ZNF444: variants seen among roughly 807,000 people sequenced by gnomAD.
ZNF444 encodes the protein endothelial zinc finger protein 2.
A neutral mutation model predicts 14.4 loss-of-function variants in ZNF444; 8 were observed. That is an observed-to-expected ratio of 0.56 (90% CI 0.33 to 1.00). ZNF444 has a LOEUF of 1.00. ZNF444 is among the 50% of genes least tolerant of loss of function. The pLI, the probability that ZNF444 is intolerant of heterozygous loss-of-function variation, is 0.03. For missense variants in ZNF444, 510 were observed against 504.8 expected (o/e 1.01, Z -0.10); for synonymous variants, 258 against 235.9 (o/e 1.09, Z -0.86).
intron 3 of ZNF444, chr19:56,149,732 G>T (rs2123502100): frequency 6.6e-6 from 1 of 152,300 alleles, no homozygotes; most frequent in South Asian, 2.1e-4. Flanking sequence ...GAGAACACAT[G>T]GTGTTTGGTT....
intron 1 of ZNF444, chr19:56,146,007 G>A (rs1292042690): frequency 2.0e-5 from 3 of 152,272 alleles, no homozygotes; most frequent in Non-Finnish European, 4.4e-5. Context: ...TTCATTACCA[G>A]TTAAAAGCTT....
At chr19:56,133,669 C>T (rs1355732464) in intron 1 of ZNF444, among the ~76,000 whole-genome samples, 2 of 151,412 alleles carry the variant, frequency 1.3e-5, no homozygotes, top group South Asian at 2.1e-4. Context: ...AAAAATTAGC[C>T]GGGCGTGGTG....
chr19:56,149,178 C>G (rs1399662567), intron 3 of ZNF444, among the ~76,000 whole-genome samples: 3 of 89,354 alleles, frequency 3.4e-5, no homozygotes, highest in Non-Finnish European at 6.5e-5. Flanking sequence ...TCATCCCCAT[C>G]ACTCCTCCGA....
Position 56,147,263 on chromosome 19 carries a change from C to T in ZNF444, c.297+55C>T. 1 of 1,389,828 alleles carries T rather than the reference C, an allele frequency of 7.2e-7. No homozygotes were observed. Among genetic ancestry groups the T allele is most frequent in the Non-Finnish European group, 9.3e-7 (1 of 1,078,318 alleles). The allele number at this position is 1,389,828 out of a possible 1,614,324, so 86.1% of individuals were successfully genotyped here. On this transcript the variant is annotated intron_variant, in intron 3 of 4. Coordinates refer to ENST00000337080, the MANE Select transcript of ZNF444 (RefSeq NM_018337.4). This position sits in a 1 kb window ranked among gnomAD's most constrained non-coding sequence, Gnocchi z 5.9. ...GGGAGAGGGGAAGGTGCCAGGGAAG[C>T]CACCAGGAAGCCCAGGGAGGAGCAC...
rs901069732 is a variant in ZNF444, at chr19:56,147,778, T to A, written c.297+570T>A. On this transcript the variant is annotated intron_variant, in intron 3 of 4. Coordinates refer to ENST00000337080, the MANE Select transcript of ZNF444 (RefSeq NM_018337.4). This position sits in a 1 kb window ranked among gnomAD's most constrained non-coding sequence, Gnocchi z 5.9. ...CGGGGCAGGCAGACCCTCCTTATCATGCGTGAGGCTCCAAGGGCTCAGAGA... is the reference window on the plus strand; with the variant it reads ...CGGGGCAGGCAGACCCTCCTTATCAAGCGTGAGGCTCCAAGGGCTCAGAGA... Among the ~76,000 whole-genome samples, 5 of 151,990 alleles carry A rather than the reference T, an allele frequency of 3.3e-5. No individual in the cohort carries two copies. Among genetic ancestry groups the A allele is most frequent in the Admixed American group, 6.6e-5 (1 of 15,256 alleles).
In ZNF444 at chr19:56,145,331, A is replaced by G. The variant is rs2031103321; in HGVS notation, c.-196-916A>G. ...CTGGGCGTGGTGGCTCATGCCGGTA[A>G]TCCCAGCACTTTCGGAGGCCAAGGC... On this transcript the variant is annotated intron_variant, in intron 1 of 4. Coordinates refer to ENST00000337080, the MANE Select transcript of ZNF444 (RefSeq NM_018337.4). This position sits in a 1 kb window ranked among gnomAD's most constrained non-coding sequence, Gnocchi z 4.3. 6.6e-6 allele frequency among the ~76,000 whole-genome samples: 1 copy of G among 152,268 alleles called. No individual in the cohort carries two copies. The highest frequency in any genetic ancestry group is 2.4e-5 in the African/African-American group (1 of 41,482).
intron 3 of ZNF444, among the ~76,000 whole-genome samples, chr19:56,152,658 G>A (rs1056459141): frequency 2.0e-5 from 3 of 152,180 alleles, no homozygotes; most frequent in East Asian, 1.9e-4. Flanking sequence ...TGAAAACAAC[G>A]GGAATGTATT....
intron 4 of ZNF444, among the ~76,000 whole-genome samples, chr19:56,158,895 C>G (rs949831249): frequency 6.6e-6 from 1 of 151,948 alleles, no homozygotes; most frequent in African/African-American, 2.4e-5. Context: ...CTCTATCATT[C>G]TCCCAGGCAT....
At chr19:56,156,065 A>C (rs2031885164) in intron 3 of ZNF444, 1 of 152,248 alleles carries the variant, frequency 6.6e-6, no homozygotes, top group African/African-American at 2.4e-5. Flanking sequence ...GTGCTCACAG[A>C]ACCAGGGAAA....
chr19:56,157,551 G>A (rs2631642), intron 3 of ZNF444: 16,205 of 152,090 alleles, frequency 0.11, 1,247 homozygotes, highest in East Asian at 0.4. Flanking sequence ...TTACAGGTAC[G>A]TGGCACCACG....
chr19:56,136,356 A>T (rs995534362), upstream of ZNF444, among the ~76,000 whole-genome samples: 2 of 152,152 alleles, frequency 1.3e-5, no homozygotes, highest in Admixed American at 6.5e-5. Flanking sequence ...CTTTGTGCCC[A>T]TACAACATTT....
chr19:56,157,227 G>A lies in ZNF444; in HGVS notation c.298-1267G>A, dbSNP rs536161997. On this transcript the variant is annotated intron_variant, in intron 3 of 4. Coordinates refer to ENST00000337080, the MANE Select transcript of ZNF444 (RefSeq NM_018337.4). ...CCCATCACGGTCCCACAGCCAGGTTGCGAGGCACCTAGGATCTAGTCAGCG... is the reference window on the plus strand; with the variant it reads ...CCCATCACGGTCCCACAGCCAGGTTACGAGGCACCTAGGATCTAGTCAGCG... 2.0e-5 allele frequency: 3 copies of A among 152,436 alleles called. No homozygotes were observed. The South Asian group carries it at 6.2e-4, about 32-fold the overall frequency. The allele number at this position is 152,436 out of a possible 1,614,324, so 9.4% of individuals were successfully genotyped here.
In ZNF444 at chr19:56,159,895, C is replaced by T. The variant is rs767727906; in HGVS notation, c.678C>T (p.Arg226=). Residue 226 remains arginine (R), a synonymous_variant, in exon 5 of 5, where the codon CGC becomes CGT. Transcript: ENST00000337080. ...GCAAGGAGCACCTGCGGCGCCACCG[C>T]GACACGCACCCCGGCAGCCCCGGCA... ...FRRKEHLRRH[R]DTHPGSPGSP... is the part of the protein sequence containing the mutation. 3.3e-6 allele frequency: 5 copies of T among 1,521,204 alleles called. No individual in the cohort carries two copies. The Admixed American group carries it at 1.0e-4, about 31-fold the overall frequency. 94.2% of individuals were successfully genotyped at this position (1,521,204 alleles called of 1,614,324 possible). A position where few individuals can be genotyped will look rare whatever the true frequency, so the allele number is the denominator to read the frequency against.
intron 3 of ZNF444, among the ~76,000 whole-genome samples, chr19:56,153,553 G>T (rs948299361): frequency 6.6e-6 from 1 of 152,240 alleles, no homozygotes; most frequent in Non-Finnish European, 1.5e-5. Context: ...GGTATGGTCA[G>T]CTTCCTCACT....
chr19:56,134,697 C>T (rs2123451208), intron 1 of ZNF444, among the ~76,000 whole-genome samples: 1 of 152,180 alleles, frequency 6.6e-6, no homozygotes, highest in African/African-American at 2.4e-5. Flanking sequence ...TTATGGCCCA[C>T]TTACCATACA....
At position 56,147,091 on chromosome 19, in the gene ZNF444, G is replaced by T; in HGVS notation, c.180G>T (p.Leu60Phe). 1 of 1,589,230 alleles carries T rather than the reference G, an allele frequency of 6.3e-7. No individual in the cohort carries two copies. ...AGGTGCACACCAAGGAGCAGATGTT[G>T]GAGCTGCTGGTGCTGGAACAGTTCC... ...RPEVHTKEQM[L>F]ELLVLEQFLS... Residue 60 changes from leucine (L) to phenylalanine (F), a missense_variant, in exon 3 of 5, where the codon TTG becomes TTT. By Grantham distance (22) the Leu-to-Phe change is conservative. Coordinates refer to ENST00000337080, the MANE Select transcript of ZNF444 (RefSeq NM_018337.4). This position sits in a 1 kb window ranked among gnomAD's most constrained non-coding sequence, Gnocchi z 5.9.
intron 3 of ZNF444, among the ~76,000 whole-genome samples, chr19:56,148,340 G>C (rs1298155846): frequency 6.6e-6 from 1 of 152,140 alleles, no homozygotes; most frequent in East Asian, 1.9e-4. Flanking sequence ...CCAGGCCTGA[G>C]TCCCCAGTGG....
At position 56,156,925 on chromosome 19, in the gene ZNF444, C is replaced by T. The variant is rs548993014; in HGVS notation, c.298-1569C>T. The T allele has an allele frequency of 8.5e-5, 13 of 152,408 alleles. 1 individual carries two copies. The highest frequency in any genetic ancestry group is 6.8e-3 in the Middle Eastern group (2 of 296). The allele number at this position is 152,408 out of a possible 1,614,324, so 9.4% of individuals were successfully genotyped here. A position where few individuals can be genotyped will look rare whatever the true frequency, so the allele number is the denominator to read the frequency against. On this transcript the variant is annotated intron_variant, in intron 3 of 4. Coordinates refer to ENST00000337080, the MANE Select transcript of ZNF444 (RefSeq NM_018337.4). ...TGGGGCCTCAAACCAGGAAGTTCCCCGAGGAATGGGTGGATCTCAGGCTTT... is the reference window on the plus strand; with the variant it reads ...TGGGGCCTCAAACCAGGAAGTTCCCTGAGGAATGGGTGGATCTCAGGCTTT...
At chr19:56,139,834 G>A (rs142292884), upstream of ZNF444, among the ~76,000 whole-genome samples, 736 of 152,146 alleles carry the variant, frequency 4.8e-3, 9 homozygotes, top group African/African-American at 0.017. Flanking sequence ...AAATTTCTTC[G>A]CAAGGTGGGG....
Sources: allele counts gnomAD v4.1 joint callset (sites outside exome capture counted in the v4.1 genomes callset), GRCh38; gene constraint gnomAD v4.1.1; non-coding constraint Gnocchi (gnomAD v3.1); transcripts MANE v1.5; gene names NCBI Gene and HGNC (gene_info 2026-07-23, HGNC 2026-07-21).